RIMS3: variants seen among roughly 807,000 people sequenced by gnomAD.
RIMS3 encodes regulating synaptic membrane exocytosis 3, also known as regulating synaptic membrane exocytosis protein 3.
RIMS3 carries 15 observed loss-of-function variants against 29.2 expected under a neutral mutation model. The observed-to-expected ratio is 0.51, with a 90% CI of 0.34 to 0.79. The LOEUF is 0.79. Ranked by LOEUF, RIMS3 falls within the 30% of genes least tolerant of loss-of-function variation. The pLI is 0.01. For synonymous variants in RIMS3, 161 were observed against 170.1 expected, an observed-to-expected ratio of 0.95 and a Z score of 0.41; for missense variants, 342 against 421.4, an observed-to-expected ratio of 0.81 and a Z score of 1.65.
upstream of RIMS3, chr1:40,669,464 A>G (rs1642464877): frequency 6.6e-6 from 1 of 152,214 alleles, no homozygotes; most frequent in Non-Finnish European, 1.5e-5. Context: ...GGGATTCTGA[A>G]TTGAGGAAAA....
chr1:40,662,693 A>G (rs1414144831), intron 1 of RIMS3, among the ~76,000 whole-genome samples: 2 of 152,210 alleles, frequency 1.3e-5, no homozygotes, highest in Admixed American at 1.3e-4. Context: ...AGGGAAGAGA[A>G]CCATCATACA....
chr1:40,636,377 C>T lies in RIMS3; in HGVS notation c.218-320G>A, dbSNP rs149864730. On this transcript the variant is annotated intron_variant, in intron 3 of 7. Coordinates refer to ENST00000372684, the MANE Select transcript of RIMS3 (RefSeq NM_014747.3). This position sits in a 1 kb window ranked among gnomAD's most constrained non-coding sequence, Gnocchi z 4.2. ...CCTCACCCTCATCAGGCTCCCCTGA[C>T]GCCCACCTTCCCACTCGATTTCAGC... is the stretch of plus-strand genomic sequence containing the variant. Among the ~76,000 whole-genome samples, 58 of 152,328 alleles carry T rather than the reference C, an allele frequency of 3.8e-4. No individual in the cohort carries two copies. The highest frequency in any genetic ancestry group is 1.3e-3 in the African/African-American group (56 of 41,578).
chr1:40,638,907 C>T (rs527621629), intron 3 of RIMS3, among the ~76,000 whole-genome samples: 7 of 152,350 alleles, frequency 4.6e-5, no homozygotes, highest in African/African-American at 1.7e-4. Context: ...AGAGCCAGGA[C>T]TAGCCCTCTA....
the RIMS3 span, among the ~76,000 whole-genome samples, chr1:40,679,982 GTATC>G: frequency 6.6e-6 from 1 of 151,724 alleles, no homozygotes; most frequent in African/African-American, 2.4e-5. Flanking sequence ...ACTCCTCTGG[GTATC>G]TATTATCTAT....
chr1:40,672,194 A>ATTTT, the RIMS3 span, among the ~76,000 whole-genome samples: 43 of 106,976 alleles, frequency 4.0e-4, no homozygotes, highest in African/African-American at 8.8e-4. Context: ...TAGCTAGATG[A>ATTTT]TTTTTTTTTT....
chr1:40,627,863 C>T (rs1283096849), intron 7 of RIMS3, among the ~76,000 whole-genome samples: 2 of 152,106 alleles, frequency 1.3e-5, no homozygotes, highest in East Asian at 3.9e-4. Flanking sequence ...CCTCAGTCTC[C>T]CGAGTCTCTG....
chr1:40,662,849 G>A (rs1297069321), intron 1 of RIMS3, among the ~76,000 whole-genome samples: 1 of 152,208 alleles, frequency 6.6e-6, no homozygotes, highest in East Asian at 1.9e-4. Context: ...CTTGGTAGTT[G>A]AGGCCACCTG....
At chr1:40,649,365 G>A (rs1011408840) in intron 1 of RIMS3, among the ~76,000 whole-genome samples, 1 of 152,060 alleles carries the variant, frequency 6.6e-6, no homozygotes, top group African/African-American at 2.4e-5. Flanking sequence ...AAGCAGCCAC[G>A]ACAGCCATAG....
intron 2 of RIMS3, among the ~76,000 whole-genome samples, chr1:40,643,912 C>G (rs1189007237): frequency 1.3e-5 from 2 of 152,208 alleles, no homozygotes; most frequent in Admixed American, 1.3e-4. Context: ...TGCTTCCTCA[C>G]AGAGGGCTGG....
At chr1:40,664,766 G>C (rs769485573) in intron 1 of RIMS3, among the ~76,000 whole-genome samples, 18 of 152,118 alleles carry the variant, frequency 1.2e-4, no homozygotes, top group Non-Finnish European at 2.2e-4. Flanking sequence ...GCCAGTCAGG[G>C]AAGAGCTCCT....
chr1:40,641,635 A>G, intron 3 of RIMS3, 74 bp downstream of exon 3: 1 of 1,450,302 alleles, frequency 6.9e-7, no homozygotes. Flanking sequence ...CAGACCCATC[A>G]GGGCAGTCCC....
At chr1:40,691,920 G>T in the RIMS3 span, 1,362 of 343,524 alleles carry the variant, frequency 4.0e-3, 10 homozygotes, top group African/African-American at 0.021. Context: ...AGCGGCGGCG[G>T]GGGGAGGGGC....
chr1:40,632,418 TTATATATATATA>T (rs56394507), intron 5 of RIMS3, among the ~76,000 whole-genome samples: 2,716 of 87,940 alleles, frequency 0.031, 72 homozygotes, highest in African/African-American at 0.044. Flanking sequence ...ACATATAAAT[TTATATATATATA>T]TATATATATA....
chr1:40,683,243 C>T, the RIMS3 span, among the ~76,000 whole-genome samples: 1 of 152,198 alleles, frequency 6.6e-6, no homozygotes, highest in East Asian at 1.9e-4. Context: ...TCATTCGCTA[C>T]ATGCTATGGT....
At chr1:40,643,423 G>C (rs759802082) in intron 2 of RIMS3, among the ~76,000 whole-genome samples, 1 of 151,582 alleles carries the variant, frequency 6.6e-6, no homozygotes, top group Non-Finnish European at 1.5e-5. Flanking sequence ...ATGAGCCACC[G>C]GGCCTGGCTT....
intron 3 of RIMS3, among the ~76,000 whole-genome samples, chr1:40,638,514 AC>A (rs1196188795): frequency 1.3e-4 from 20 of 152,160 alleles, no homozygotes; most frequent in Admixed American, 1.3e-3. Context: ...CCCATCACAA[AC>A]AAAGGAGGGG....
chr1:40,661,793 G>A (rs533222740), intron 1 of RIMS3, among the ~76,000 whole-genome samples: 3 of 152,342 alleles, frequency 2.0e-5, no homozygotes, highest in South Asian at 4.1e-4. Context: ...GAACTGCAGA[G>A]CTGGGATGTG....
chr1:40,677,089 C>G, the RIMS3 span, among the ~76,000 whole-genome samples: 1 of 151,768 alleles, frequency 6.6e-6, no homozygotes, highest in African/African-American at 2.4e-5. Context: ...ACCTCTGCCT[C>G]CCAGGTTCAA....
At chr1:40,640,241 C>T (rs1345841166) in intron 3 of RIMS3, among the ~76,000 whole-genome samples, 1 of 152,122 alleles carries the variant, frequency 6.6e-6, no homozygotes, top group Admixed American at 6.5e-5. Context: ...AGCCCAATTT[C>T]TAGATCCCTA....
Sources: allele counts gnomAD v4.1 joint callset (sites outside exome capture counted in the v4.1 genomes callset), GRCh38; gene constraint gnomAD v4.1.1; non-coding constraint Gnocchi (gnomAD v3.1); transcripts MANE v1.5; gene names NCBI Gene and HGNC (gene_info 2026-07-23, HGNC 2026-07-21).